Variants in GALNT13 observed in about 807,000 individuals in gnomAD.
The protein encoded by GALNT13 is polypeptide N-acetylgalactosaminyltransferase 13.
A neutral mutation model predicts 64.2 loss-of-function variants in GALNT13; 28 were observed. The observed-to-expected ratio is 0.44, with a 90% CI of 0.32 to 0.60. GALNT13 has a LOEUF of 0.60. Among genes scored for constraint, GALNT13 ranks in the 20% least tolerant of loss-of-function variants. The pLI, the probability that GALNT13 is intolerant of heterozygous loss-of-function variation, is 0.05. For missense variants in GALNT13, 577 were observed against 669.8 expected, an observed-to-expected ratio of 0.86 and a Z score of 1.53; for synonymous variants, 214 against 224.6, an observed-to-expected ratio of 0.95 and a Z score of 0.42.
At chr2:153,471,116 G>A in the GALNT13 span, among the ~76,000 whole-genome samples, 4,851 of 152,210 alleles carry the variant, frequency 0.032, 103 homozygotes, top group Middle Eastern at 0.071. Context: ...AGAGAAGGGT[G>A]GAGAGTACTT....
At chr2:154,390,212 T>A (rs967185738) in intron 9 of GALNT13, among the ~76,000 whole-genome samples, 5 of 152,212 alleles carry the variant, frequency 3.3e-5, no homozygotes, top group African/African-American at 1.2e-4. Context: ...GCAATAGACT[T>A]ACTATGAATA....
chr2:153,516,843 T>C, the GALNT13 span, among the ~76,000 whole-genome samples: 2 of 152,184 alleles, frequency 1.3e-5, no homozygotes, highest in Non-Finnish European at 2.9e-5. Context: ...TATGCTTTTA[T>C]ACTTCCTTTA....
the GALNT13 span, among the ~76,000 whole-genome samples, chr2:153,336,736 T>A: frequency 6.6e-6 from 1 of 152,016 alleles, no homozygotes; most frequent in East Asian, 1.9e-4. Flanking sequence ...TGGGAAGGCA[T>A]GATTGGTTTT....
At chr2:153,276,663 A>G in the GALNT13 span, among the ~76,000 whole-genome samples, 1 of 151,514 alleles carries the variant, frequency 6.6e-6, no homozygotes, top group Non-Finnish European at 1.5e-5. Flanking sequence ...TCTGATGACT[A>G]AGTTGAGTAC....
At chr2:153,711,280 A>G in the GALNT13 span, among the ~76,000 whole-genome samples, 1 of 152,168 alleles carries the variant, frequency 6.6e-6, no homozygotes, top group African/African-American at 2.4e-5. Flanking sequence ...GGCTTACATT[A>G]GTGGAAACAT....
the GALNT13 span, among the ~76,000 whole-genome samples, chr2:153,769,324 A>G: frequency 7.1e-6 from 1 of 141,646 alleles, no homozygotes; most frequent in Non-Finnish European, 1.6e-5. Flanking sequence ...GACTTTATTT[A>G]TTTTTCATTT....
At chr2:154,400,249 T>A (rs1386329943) in intron 10 of GALNT13, among the ~76,000 whole-genome samples, 3 of 152,166 alleles carry the variant, frequency 2.0e-5, no homozygotes, top group Non-Finnish European at 4.4e-5. Context: ...GCACTTTCTC[T>A]TAAATAATTA....
intron 9 of GALNT13, among the ~76,000 whole-genome samples, chr2:154,372,375 C>A (rs923922371): frequency 6.6e-6 from 1 of 152,026 alleles, no homozygotes; most frequent in South Asian, 2.1e-4. Flanking sequence ...TGTGCGGCTG[C>A]AAATTTTTCC....
the GALNT13 span, among the ~76,000 whole-genome samples, chr2:153,224,811 C>T: frequency 5.3e-5 from 8 of 152,138 alleles, no homozygotes; most frequent in African/African-American, 9.7e-5. Context: ...AGAAATAGCA[C>T]GAGTAGCCCT....
At chr2:153,634,517 T>C in the GALNT13 span, among the ~76,000 whole-genome samples, 3 of 151,570 alleles carry the variant, frequency 2.0e-5, no homozygotes, top group East Asian at 1.9e-4. Flanking sequence ...ATACTAACTT[T>C]TGATGATTGA....
At chr2:153,286,258 C>T in the GALNT13 span, among the ~76,000 whole-genome samples, 3 of 152,008 alleles carry the variant, frequency 2.0e-5, no homozygotes, top group Non-Finnish European at 4.4e-5. Flanking sequence ...TACCAGTAGC[C>T]AGGCATGGAG....
chr2:153,415,198 T>C, the GALNT13 span, among the ~76,000 whole-genome samples: 2 of 152,168 alleles, frequency 1.3e-5, no homozygotes, highest in East Asian at 1.9e-4. Flanking sequence ...AAGCCACATA[T>C]AGTCTTGTAT....
At chr2:154,343,122 C>A (rs1240114067) in intron 9 of GALNT13, among the ~76,000 whole-genome samples, 1 of 151,900 alleles carries the variant, frequency 6.6e-6, no homozygotes, top group Non-Finnish European at 1.5e-5. Flanking sequence ...TTACCACAAA[C>A]CCTGTCCTGC....
the GALNT13 span, among the ~76,000 whole-genome samples, chr2:153,798,388 G>A: frequency 6.6e-6 from 1 of 152,116 alleles, no homozygotes; most frequent in African/African-American, 2.4e-5. Context: ...AAATGTATAA[G>A]TGAATTGAAT....
chr2:154,289,403 T>C (rs1000610474), intron 8 of GALNT13, among the ~76,000 whole-genome samples: 2 of 152,168 alleles, frequency 1.3e-5, no homozygotes, highest in Admixed American at 1.3e-4. Flanking sequence ...ACGGGTTTAA[T>C]TGACTTACAG....
chr2:153,304,441 GA>G, the GALNT13 span, among the ~76,000 whole-genome samples: 1 of 152,128 alleles, frequency 6.6e-6, no homozygotes, highest in Non-Finnish European at 1.5e-5. Context: ...AGAGAAGGAA[GA>G]AGTTACTCAA....
intron 11 of GALNT13, among the ~76,000 whole-genome samples, chr2:154,421,617 T>A (rs895901360): frequency 6.6e-6 from 1 of 152,088 alleles, no homozygotes; most frequent in East Asian, 1.9e-4. Flanking sequence ...TCCAAATCTA[T>A]TCTTAACATT....
At chr2:153,933,197 C>CTGTCTAA (rs1359176995) in intron 2 of GALNT13, among the ~76,000 whole-genome samples, 1 of 152,116 alleles carries the variant, frequency 6.6e-6, no homozygotes, top group Non-Finnish European at 1.5e-5. Flanking sequence ...CCTCAATGAT[C>CTGTCTAA]TGTCTAATAC....
At chr2:153,566,805 C>A in the GALNT13 span, among the ~76,000 whole-genome samples, 1 of 147,184 alleles carries the variant, frequency 6.8e-6, no homozygotes, top group Non-Finnish European at 1.5e-5. Context: ...CCTCTACTTT[C>A]GCCAGTAGAT....
Sources: allele counts gnomAD v4.1 joint callset (sites outside exome capture counted in the v4.1 genomes callset), GRCh38; gene constraint gnomAD v4.1.1; transcripts MANE v1.5; gene names NCBI Gene and HGNC (gene_info 2026-07-23, HGNC 2026-07-21).